Variants in STX3 observed in about 807,000 individuals in gnomAD.
STX3 encodes syntaxin 3, also known as syntaxin-3.
STX3 carries 19 observed loss-of-function variants against 40.2 expected under a neutral mutation model. The ratio of observed to expected loss-of-function variants is 0.47; its 90% CI spans 0.33 to 0.69. The LOEUF is 0.69. Ranked by LOEUF, STX3 falls within the 30% of genes least tolerant of loss-of-function variation. The probability of loss-of-function intolerance (pLI) is 0.02; values close to 1 mark genes in which losing one functional copy is unlikely to be tolerated. For synonymous variants in STX3, 122 were observed against 132.2 expected, an observed-to-expected ratio of 0.92 and a Z score of 0.53; for missense variants, 364 against 366.7, an observed-to-expected ratio of 0.99 and a Z score of 0.06.
intron 8 of STX3, 29 bp from the exon 9 acceptor site, chr11:59,795,343 T>G: frequency 6.3e-7 from 1 of 1,584,926 alleles, no homozygotes; most frequent in Non-Finnish European, 8.6e-7. Flanking sequence ...AGACGTTTAC[T>G]TGGTGTGATC....
intron 5 of STX3, among the ~76,000 whole-genome samples, chr11:59,791,324 T>C (rs76490631): frequency 6.6e-6 from 1 of 152,292 alleles, no homozygotes; most frequent in East Asian, 1.9e-4. Flanking sequence ...TTTTAGTAGA[T>C]AATGTAGTGC....
intron 6 of STX3, 93 bp from the exon 7 acceptor site, chr11:59,793,006 A>G (rs1590820420): frequency 7.8e-7 from 1 of 1,278,922 alleles, no homozygotes; most frequent in Non-Finnish European, 1.1e-6. Flanking sequence ...CACGGTCTTT[A>G]TAGGGAAGTC....
chr11:59,792,189 G>A lies in STX3; in HGVS notation c.440G>A (p.Gly147Glu). Reference protein sequence around the residue: ...AQVDFRERSKGRIQRQLEITG... With the variant: ...AQVDFRERSKERIQRQLEITG... The stretch of plus-strand genomic sequence containing the variant: ...GTGGACTTCCGAGAACGCAGCAAAG[G>A]GCGAATCCAGCGGCAGCTCGAAATT... Residue 147 changes from glycine (G) to glutamate (E), a missense_variant, in exon 6 of 11, where the codon GGG becomes GAG. Transcript: ENST00000337979. 3 of 1,614,014 alleles carry A rather than the reference G, an allele frequency of 1.9e-6. No homozygotes were observed. The highest frequency in any genetic ancestry group is 2.5e-6 in the Non-Finnish European group (3 of 1,180,032).
chr11:59,785,531 A>G (rs1187814362), intron 2 of STX3, among the ~76,000 whole-genome samples: 1 of 152,106 alleles, frequency 6.6e-6, no homozygotes, highest in East Asian at 1.9e-4. Context: ...GGGTTTTGCC[A>G]TGTTACCCAG....
At chr11:59,765,551 C>T (rs1205605805) in intron 1 of STX3, among the ~76,000 whole-genome samples, 1 of 152,096 alleles carries the variant, frequency 6.6e-6, no homozygotes, top group Non-Finnish European at 1.5e-5. Context: ...TGCGTGTAAT[C>T]CCAGCACTTT....
In STX3 at chr11:59,803,348, C is replaced by A. The variant is rs1018752830; in HGVS notation, c.*2524C>A. The stretch of plus-strand genomic sequence containing the variant: ...CAGACCTTCTTTCACTGACTTGAAA[C>A]CTTTGTGTCTTGGGGGCACTCTAGG... On this transcript the variant is annotated 3_prime_UTR_variant, in exon 11 of 11. Transcript: ENST00000337979. The A allele has an allele frequency of 8.4e-7, 1 of 1,189,154 alleles. No homozygotes were observed. The highest frequency in any genetic ancestry group is 4.3e-5 in the South Asian group (1 of 23,364). The allele number at this position is 1,189,154 out of a possible 1,614,324, so 73.7% of individuals were successfully genotyped here. A position where few individuals can be genotyped will look rare whatever the true frequency, so the allele number is the denominator to read the frequency against.
chr11:59,757,176 G>A (rs1456213780), intron 1 of STX3, among the ~76,000 whole-genome samples: 1 of 152,142 alleles, frequency 6.6e-6, no homozygotes, highest in Non-Finnish European at 1.5e-5. Flanking sequence ...GGATGCTCCA[G>A]GACACAGAGC....
intron 9 of STX3, chr11:59,795,763 C>G: frequency 6.8e-7 from 1 of 1,475,602 alleles, no homozygotes; most frequent in South Asian, 1.2e-5. Flanking sequence ...TTACTAGTAT[C>G]TCTTCTCCCT....
chr11:59,778,921 GCCT>G (rs1864175514), intron 2 of STX3, among the ~76,000 whole-genome samples: 1 of 137,464 alleles, frequency 7.3e-6, no homozygotes, highest in East Asian at 2.3e-4. Context: ...TGCAGCCTCC[GCCT>G]CCTCCTGGGT....
At chr11:59,754,747 CG>C (rs1292384282), upstream of STX3, 1 of 152,186 alleles carries the variant, frequency 6.6e-6, no homozygotes, top group Non-Finnish European at 1.5e-5. Flanking sequence ...CTTTCCCAAA[CG>C]TCTGCAAATT....
At chr11:59,760,461 G>A (rs1469878022) in intron 1 of STX3, among the ~76,000 whole-genome samples, 2 of 151,728 alleles carry the variant, frequency 1.3e-5, no homozygotes, top group African/African-American at 4.8e-5. Flanking sequence ...CATGGAGTGG[G>A]TTTGAAACCA....
At position 59,795,367 on chromosome 11, in the gene STX3, T is replaced by C. The variant is rs778350354; in HGVS notation, c.676-5T>C. On this transcript the variant is annotated splice_region_variant and splice_polypyrimidine_tract_variant and intron_variant, in intron 8 of 10. Transcript: ENST00000337979. ...CTTGGTGTGATCAGAGTCTGTTCTT[T>C]GCAGGGTGAGATGTTAGATAACATA... is the stretch of plus-strand genomic sequence containing the variant. 1.9e-6 allele frequency: 3 copies of C among 1,610,828 alleles called. No homozygotes were observed. Among genetic ancestry groups the C allele is most frequent in the South Asian group, 2.2e-5 (2 of 90,174 alleles).
chr11:59,772,350 A>G (rs1863701662), intron 1 of STX3, among the ~76,000 whole-genome samples: 1 of 152,198 alleles, frequency 6.6e-6, no homozygotes, highest in Non-Finnish European at 1.5e-5. Context: ...GAATGGAATC[A>G]CTTCCTTTAG....
At chr11:59,789,822 G>A (rs919950288) in intron 4 of STX3, among the ~76,000 whole-genome samples, 1 of 151,968 alleles carries the variant, frequency 6.6e-6, no homozygotes, top group Non-Finnish European at 1.5e-5. Flanking sequence ...TTTCTTGGTG[G>A]GCTAGGCATA....
chr11:59,782,064 A>T (rs999518822), intron 2 of STX3, among the ~76,000 whole-genome samples: 1 of 152,216 alleles, frequency 6.6e-6, no homozygotes, highest in Non-Finnish European at 1.5e-5. Flanking sequence ...ATCTTACCCC[A>T]TGCAACCTGC....
chr11:59,800,495 C>T (rs75353641), intron 10 of STX3: 42,771 of 985,260 alleles, frequency 0.043, 1,007 homozygotes, highest in African/African-American at 0.048. Context: ...TCATGAAGAT[C>T]GAGAACCAGA....
chr11:59,773,817 TA>T (rs1020451128), intron 2 of STX3, among the ~76,000 whole-genome samples: 22 of 151,874 alleles, frequency 1.4e-4, no homozygotes, highest in African/African-American at 5.1e-4. Flanking sequence ...CTGCCTCTAC[TA>T]AAAATACAAA....
In STX3 at chr11:59,766,004, A is replaced by G. The variant is rs561404883; in HGVS notation, c.31-7207A>G. On this transcript the variant is annotated intron_variant, in intron 1 of 10. Transcript: ENST00000337979. ...AGGAGGGGTGCTGCCCCACCGGCCC[A>G]CAAATCTTTAATGCCCCACTGTGGG... 3.3e-5 allele frequency among the ~76,000 whole-genome samples: 5 copies of G among 152,340 alleles called. 1 individual carries two copies. The South Asian group carries it at 1.0e-3, about 32-fold the overall frequency.
chr11:59,796,511 T>C (rs1181050511), intron 9 of STX3, among the ~76,000 whole-genome samples: 1 of 152,252 alleles, frequency 6.6e-6, no homozygotes, highest in Non-Finnish European at 1.5e-5. Flanking sequence ...GAAGTTATTT[T>C]ACATGGTGAA....
Sources: gnomAD v4.1 joint callset for allele counts (sites outside exome capture counted in the v4.1 genomes callset) on GRCh38, gnomAD v4.1.1 for gene constraint, MANE v1.5 for transcripts, NCBI Gene and HGNC (gene_info 2026-07-23, HGNC 2026-07-21) for gene names.